The following GK variants were observed in gnomAD, a reference collection of about 807,000 sequenced individuals.
The protein encoded by GK is glycerol kinase.
In GK, 9 loss-of-function variants were observed where a neutral mutation model predicts 56.4. That is an observed-to-expected ratio of 0.16 (90% CI 0.10 to 0.28). The LOEUF (loss-of-function observed/expected upper bound fraction) is 0.28, where lower values mean the gene tolerates loss of function less well. Ranked by LOEUF, GK falls within the 10% of genes least tolerant of loss-of-function variation. The probability of loss-of-function intolerance (pLI) is 1.00; values close to 1 mark genes in which losing one functional copy is unlikely to be tolerated. For missense variants in GK, 161 were observed against 431.4 expected (o/e 0.37, Z 5.55); for synonymous variants, 104 against 144.1 (o/e 0.72, Z 1.99).
intron 11 of GK, among the ~76,000 whole-genome samples, chrX:30,705,645 G>A (rs776489499): frequency 3.9e-4 from 44 of 112,688 alleles, no homozygotes; most frequent in Admixed American, 4.7e-4. Context: ...TGTTCTGTGA[G>A]TACAATGTAC....
At chrX:30,671,745 A>C (rs958493651) in intron 3 of GK, 4 of 112,292 alleles carry the variant, frequency 3.6e-5, no homozygotes, top group African/African-American at 1.3e-4. Flanking sequence ...CAAGGCAATT[A>C]AATAGACTGC....
intron 1 of GK, among the ~76,000 whole-genome samples, chrX:30,654,159 A>G (rs1932069414): frequency 8.9e-6 from 1 of 112,546 alleles, no homozygotes; most frequent in Non-Finnish European, 1.9e-5. Flanking sequence ...AGGGTGGCAG[A>G]ACAAATTAGG....
intron 1 of GK, among the ~76,000 whole-genome samples, chrX:30,656,251 A>G (rs1485600352): frequency 8.9e-6 from 1 of 112,362 alleles, no homozygotes; most frequent in Non-Finnish European, 1.9e-5. Context: ...CCACGTTGTA[A>G]TTATGACTGA....
chrX:30,723,839 A>C (rs113367223), intron 18 of GK: 21,381 of 352,785 alleles, frequency 0.061, 638 homozygotes, highest in Non-Finnish European at 0.08. Context: ...TCACCCTCCC[A>C]AAATGCTGGG....
chrX:30,666,151 CAA>C (rs1225309714), intron 2 of GK, among the ~76,000 whole-genome samples: 7 of 111,529 alleles, frequency 6.3e-5, no homozygotes, highest in Admixed American at 9.6e-5. Context: ...GGAATTTACC[CAA>C]GAGGAATAAA....
chrX:30,681,021 G>T (rs1766294164), intron 4 of GK, among the ~76,000 whole-genome samples: 1 of 111,625 alleles, frequency 9.0e-6, no homozygotes, highest in African/African-American at 3.3e-5. Context: ...ATCCTTTCTG[G>T]AGGAAGACAA....
At chrX:30,660,287 G>A (rs1306855924) in intron 1 of GK, among the ~76,000 whole-genome samples, 2 of 110,418 alleles carry the variant, frequency 1.8e-5, no homozygotes, top group Non-Finnish European at 3.8e-5. Context: ...GTGTCTGCAC[G>A]GAGCTAAATT....
At chrX:30,722,788 G>A (rs932662852) in intron 18 of GK, among the ~76,000 whole-genome samples, 2 of 110,835 alleles carry the variant, frequency 1.8e-5, no homozygotes, top group East Asian at 5.7e-4. Flanking sequence ...TGAAGAGAGA[G>A]GGGGGGATAG....
intron 11 of GK, among the ~76,000 whole-genome samples, chrX:30,705,845 C>T (rs1935973310): frequency 8.9e-6 from 1 of 112,150 alleles, no homozygotes; most frequent in South Asian, 3.7e-4. Flanking sequence ...TAAGTATACT[C>T]ACTTAAGAAT....
intron 13 of GK, among the ~76,000 whole-genome samples, chrX:30,712,020 AAG>A (rs747679914): frequency 6.2e-5 from 7 of 112,160 alleles, no homozygotes; most frequent in Non-Finnish European, 1.3e-4. Context: ...TATAAAAGAA[AAG>A]AGAGAGAGAG....
chrX:30,712,449 G>C (rs1157038996), intron 13 of GK, among the ~76,000 whole-genome samples: 1 of 110,724 alleles, frequency 9.0e-6, no homozygotes, highest in Non-Finnish European at 1.9e-5. Flanking sequence ...TCTCTATCTA[G>C]TCTAGAGTTT....
At chrX:30,686,993 G>A (rs938556583) in intron 4 of GK, among the ~76,000 whole-genome samples, 5 of 110,609 alleles carry the variant, frequency 4.5e-5, no homozygotes, top group Non-Finnish European at 9.5e-5. Flanking sequence ...CTCTAGACAC[G>A]TTGCTCCCTT....
chrX:30,728,651 G>T (rs1363434875), intron 20 of GK, 81 bp from the exon 21 acceptor site: 10 of 651,764 alleles, frequency 1.5e-5, no homozygotes, highest in Non-Finnish European at 2.6e-5. Flanking sequence ...CTTAATAAAT[G>T]ATTGAATCAT....
intron 9 of GK, 155 bp from the exon 10 acceptor site, chrX:30,700,259 C>T: frequency 2.3e-6 from 1 of 436,555 alleles, no homozygotes; most frequent in Non-Finnish European, 4.0e-6. Flanking sequence ...CTTGTAGTAT[C>T]TGTCTCTTTA....
At chrX:30,706,562 C>A (rs935282957) in intron 11 of GK, among the ~76,000 whole-genome samples, 5 of 112,165 alleles carry the variant, frequency 4.5e-5, no homozygotes, top group African/African-American at 1.6e-4. Context: ...TCCTCTGTGA[C>A]CCTTACTGGT....
chrX:30,685,932 G>T (rs1320461216), intron 4 of GK, among the ~76,000 whole-genome samples: 1 of 112,128 alleles, frequency 8.9e-6, no homozygotes, highest in Non-Finnish European at 1.9e-5. Flanking sequence ...GGACTATAAG[G>T]CTTCAGTAAT....
intron 13 of GK, among the ~76,000 whole-genome samples, chrX:30,711,660 TA>T (rs1299565668): frequency 8.9e-6 from 1 of 112,106 alleles, no homozygotes; most frequent in Admixed American, 9.5e-5. Context: ...AGTTTCTCAG[TA>T]TCTACCTTCC....
chrX:30,673,549 G>C (rs1207094499), intron 3 of GK, among the ~76,000 whole-genome samples: 1 of 111,623 alleles, frequency 9.0e-6, no homozygotes, highest in East Asian at 2.8e-4. Flanking sequence ...TGTGTGCCCT[G>C]GGGAGAAATA....
At chrX:30,692,353 T>C (rs1934988914) in intron 5 of GK, among the ~76,000 whole-genome samples, 1 of 111,862 alleles carries the variant, frequency 8.9e-6, no homozygotes, top group African/African-American at 3.2e-5. Context: ...TTTTACACTT[T>C]CTACCCCCAT....
Sources: gnomAD v4.1 joint callset for allele counts (sites outside exome capture counted in the v4.1 genomes callset) on GRCh38, gnomAD v4.1.1 for gene constraint, MANE v1.5 for transcripts, NCBI Gene and HGNC (gene_info 2026-07-23, HGNC 2026-07-21) for gene names.